SORCS3: variants seen among roughly 807,000 people sequenced by gnomAD.
SORCS3 encodes the protein sortilin related VPS10 domain containing receptor 3, also known as VPS10 domain-containing receptor SorCS3.
In SORCS3, 57 loss-of-function variants were observed where a neutral mutation model predicts 146.3. The ratio of observed to expected loss-of-function variants is 0.39; its 90% CI spans 0.31 to 0.49. SORCS3 has a LOEUF of 0.49. SORCS3 is among the 20% of genes least tolerant of loss of function. The pLI, the probability that SORCS3 is intolerant of heterozygous loss-of-function variation, is 0.92. For synonymous variants in SORCS3, 653 were observed against 618.5 expected, an observed-to-expected ratio of 1.06 and a Z score of -0.83; for missense variants, 1,341 against 1,575.5, an observed-to-expected ratio of 0.85 and a Z score of 2.52.
rs955925336 is a variant in SORCS3, at chr10:105,263,608, C to T, written c.*234C>T. On this transcript the variant is annotated 3_prime_UTR_variant, in exon 27 of 27. Coordinates refer to ENST00000369701, the MANE Select transcript of SORCS3 (RefSeq NM_014978.3). ...GCTAAGAGCAAAGGATGCATCTTCC[C>T]ACAGCCTCCTCGCTTTACTCTGCCA... is the stretch of plus-strand genomic sequence containing the variant. 6.1e-6 allele frequency: 3 copies of T among 490,348 alleles called. No individual in the cohort carries two copies. The highest frequency in any genetic ancestry group is 3.4e-5 in the Admixed American group (1 of 29,086). 30.4% of individuals were successfully genotyped at this position (490,348 alleles called of 1,614,324 possible). A position where few individuals can be genotyped will look rare whatever the true frequency, so the allele number is the denominator to read the frequency against.
intron 20 of SORCS3, among the ~76,000 whole-genome samples, chr10:105,225,680 A>G (rs1031101951): frequency 1.3e-5 from 2 of 152,058 alleles, no homozygotes; most frequent in Non-Finnish European, 2.9e-5. Flanking sequence ...AAGAAGTGAC[A>G]TCTTCACAAT....
At chr10:105,230,097 G>A (rs558682223) in intron 20 of SORCS3, among the ~76,000 whole-genome samples, 1 of 152,258 alleles carries the variant, frequency 6.6e-6, no homozygotes, top group Non-Finnish European at 1.5e-5. Flanking sequence ...TAGTGGCAGG[G>A]TGGTGTGCCC....
intron 1 of SORCS3, among the ~76,000 whole-genome samples, chr10:104,656,003 A>G (rs143387309): frequency 9.8e-4 from 149 of 152,318 alleles, no homozygotes; most frequent in African/African-American, 3.0e-3. Context: ...TCAATATTCA[A>G]TACATATTTG....
intron 5 of SORCS3, among the ~76,000 whole-genome samples, chr10:105,088,563 TA>T (rs1030540430): frequency 1.3e-5 from 2 of 152,138 alleles, no homozygotes; most frequent in Non-Finnish European, 2.9e-5. Flanking sequence ...TTAGTTTTTC[TA>T]AAACATACCA....
At chr10:104,807,291 G>C (rs1011945165) in intron 1 of SORCS3, among the ~76,000 whole-genome samples, 1 of 152,116 alleles carries the variant, frequency 6.6e-6, no homozygotes, top group African/African-American at 2.4e-5. Flanking sequence ...TTTCAGCTGA[G>C]TGACAATATG....
At chr10:105,199,083 C>A (rs2056559874) in intron 14 of SORCS3, among the ~76,000 whole-genome samples, 2 of 152,130 alleles carry the variant, frequency 1.3e-5, no homozygotes, top group Non-Finnish European at 2.9e-5. Flanking sequence ...TTAAGTCTTG[C>A]TGAAATGGAA....
chr10:104,877,801 T>A (rs2018592178), intron 2 of SORCS3, among the ~76,000 whole-genome samples: 1 of 152,212 alleles, frequency 6.6e-6, no homozygotes, highest in African/African-American at 2.4e-5. Flanking sequence ...TTTCTGCATT[T>A]TCCTAAGTTT....
At chr10:104,708,955 A>T (rs2016381374) in intron 1 of SORCS3, among the ~76,000 whole-genome samples, 1 of 152,188 alleles carries the variant, frequency 6.6e-6, no homozygotes, top group Admixed American at 6.5e-5. Context: ...TGCTATTATG[A>T]CATTATGATG....
chr10:105,231,773 G>C (rs1003571492), intron 20 of SORCS3, among the ~76,000 whole-genome samples: 1 of 152,090 alleles, frequency 6.6e-6, no homozygotes, highest in Admixed American at 6.6e-5. Flanking sequence ...ATATGATCAT[G>C]TTCTTTTTTC....
chr10:104,646,692 C>G (rs2015499300), intron 1 of SORCS3, among the ~76,000 whole-genome samples: 1 of 152,146 alleles, frequency 6.6e-6, no homozygotes. Context: ...GTTTGAGACA[C>G]TTCCCTTACA....
intron 2 of SORCS3, among the ~76,000 whole-genome samples, chr10:104,888,690 C>G (rs2018718156): frequency 6.6e-6 from 1 of 152,128 alleles, no homozygotes; most frequent in South Asian, 2.1e-4. Flanking sequence ...ACCAATCAAT[C>G]ACATAGAGAA....
chr10:104,785,157 A>G (rs1258885444), intron 1 of SORCS3, among the ~76,000 whole-genome samples: 2 of 150,336 alleles, frequency 1.3e-5, no homozygotes, highest in African/African-American at 4.8e-5. Flanking sequence ...AAGGTGGGGA[A>G]AAGATTGAGA....
intron 1 of SORCS3, among the ~76,000 whole-genome samples, chr10:104,732,090 C>T (rs773510216): frequency 3.9e-5 from 6 of 152,192 alleles, no homozygotes; most frequent in South Asian, 2.1e-4. Flanking sequence ...CAGAAATATG[C>T]GTTAGCTCTC....
intron 5 of SORCS3, among the ~76,000 whole-genome samples, chr10:105,076,087 T>A (rs993013949): frequency 6.6e-6 from 1 of 152,246 alleles, no homozygotes; most frequent in Admixed American, 6.5e-5. Flanking sequence ...TGTTCATTAA[T>A]GTGTTCTTGC....
chr10:105,008,718 G>C (rs790657), intron 4 of SORCS3, among the ~76,000 whole-genome samples: 83,461 of 152,172 alleles, frequency 0.55, 26,126 homozygotes, highest in African/African-American at 0.87. Flanking sequence ...GCCATCTCAA[G>C]TCACTGCAAC....
intron 20 of SORCS3, among the ~76,000 whole-genome samples, chr10:105,227,001 C>A (rs933882281): frequency 6.6e-6 from 1 of 151,822 alleles, no homozygotes; most frequent in Admixed American, 6.6e-5. Context: ...TTCAAAAAAA[C>A]CACTTTTTGG....
chr10:105,113,984 C>T (rs1246981904), intron 7 of SORCS3, among the ~76,000 whole-genome samples: 1 of 152,148 alleles, frequency 6.6e-6, no homozygotes. Flanking sequence ...AAAATCCTGT[C>T]TTTTCTCCTT....
chr10:105,031,332 AAC>A (rs371026666), intron 4 of SORCS3, among the ~76,000 whole-genome samples: 10,429 of 113,202 alleles, frequency 0.092, 537 homozygotes, highest in African/African-American at 0.17. Context: ...CACACACACA[AAC>A]ACACACACAC....
chr10:105,179,219 C>A (rs577503551), intron 14 of SORCS3, among the ~76,000 whole-genome samples: 1 of 152,182 alleles, frequency 6.6e-6, no homozygotes, highest in Non-Finnish European at 1.5e-5. Flanking sequence ...TGAACAACAT[C>A]ATGTGTATGC....
Sources: allele counts gnomAD v4.1 joint callset (sites outside exome capture counted in the v4.1 genomes callset), GRCh38; gene constraint gnomAD v4.1.1; transcripts MANE v1.5; gene names NCBI Gene and HGNC (gene_info 2026-07-23, HGNC 2026-07-21).